The following EFHB variants were observed in gnomAD, a reference collection of about 807,000 sequenced individuals.
EFHB encodes the protein EF-hand domain family member B, also known as EF-hand domain-containing family member B.
EFHB carries 91 observed loss-of-function variants against 87.2 expected under a neutral mutation model. The observed-to-expected ratio is 1.04, with a 90% CI of 0.88 to 1.24. EFHB has a LOEUF of 1.24. EFHB is among the 50% of genes most tolerant of loss of function. The pLI, the probability that EFHB is intolerant of heterozygous loss-of-function variation, is 0.00. For synonymous variants in EFHB, 325 were observed against 333.6 expected, an observed-to-expected ratio of 0.97 and a Z score of 0.28; for missense variants, 1,084 against 998.8, an observed-to-expected ratio of 1.09 and a Z score of -1.15.
At chr3:19,920,883 A>G (rs1403589781) in intron 1 of EFHB, among the ~76,000 whole-genome samples, 1 of 152,152 alleles carries the variant, frequency 6.6e-6, no homozygotes, top group African/African-American at 2.4e-5. Context: ...CTTCTCATAG[A>G]TCACAGGTTA....
chr3:19,915,836 G>A (rs1421400984), intron 4 of EFHB, among the ~76,000 whole-genome samples: 1 of 151,926 alleles, frequency 6.6e-6, no homozygotes, highest in African/African-American at 2.4e-5. Flanking sequence ...AGCCAGGTGT[G>A]GAAGCACGTG....
chr3:19,909,655 G>A (rs6802401), intron 5 of EFHB, among the ~76,000 whole-genome samples: 6,000 of 152,182 alleles, frequency 0.039, 373 homozygotes, highest in African/African-American at 0.13. Context: ...GCACAGCTCC[G>A]CTCATGGCTC....
intron 5 of EFHB, among the ~76,000 whole-genome samples, chr3:19,906,586 A>C (rs1349429159): frequency 6.6e-6 from 1 of 152,150 alleles, no homozygotes; most frequent in Non-Finnish European, 1.5e-5. Context: ...TATTCATTCC[A>C]TGCTCATTGA....
upstream of EFHB, among the ~76,000 whole-genome samples, chr3:19,938,251 A>G (rs1696068142): frequency 6.6e-6 from 1 of 152,220 alleles, no homozygotes; most frequent in Admixed American, 6.5e-5. Context: ...CCGTATCTCA[A>G]TAGGGATGTG....
intron 5 of EFHB, among the ~76,000 whole-genome samples, chr3:19,909,119 G>A (rs1371145103): frequency 1.4e-5 from 2 of 145,732 alleles, no homozygotes; most frequent in African/African-American, 2.6e-5. Flanking sequence ...GCAACTCATA[G>A]TACTTGATTT....
chr3:19,889,520 C>G (rs1694229064), intron 9 of EFHB, among the ~76,000 whole-genome samples: 1 of 152,160 alleles, frequency 6.6e-6, no homozygotes, highest in South Asian at 2.1e-4. Context: ...AGTATTTAAG[C>G]TCTTACTGCC....
chr3:19,918,491 G>T, intron 3 of EFHB, 79 bp from the exon 4 acceptor site: 1 of 1,305,126 alleles, frequency 7.7e-7, no homozygotes, highest in Non-Finnish European at 1.0e-6. Context: ...TCAATAGCTG[G>T]GGAGAGGAGA....
At chr3:19,914,914 A>C (rs1364039828) in intron 5 of EFHB, among the ~76,000 whole-genome samples, 1 of 151,896 alleles carries the variant, frequency 6.6e-6, no homozygotes, top group African/African-American at 2.4e-5. Flanking sequence ...ACATAGGAAG[A>C]CCTCATATCT....
In EFHB at chr3:19,888,503, A is replaced by C. The variant is rs1694186830; in HGVS notation, c.1874T>G (p.Phe625Cys). ...AAGCATTTTGTCTTTCCAGTTAAGAAAATTTGCGAATTCCAGATAGTTAAT... is the reference window on the plus strand; with the variant it reads ...AAGCATTTTGTCTTTCCAGTTAAGACAATTTGCGAATTCCAGATAGTTAAT... Reference protein sequence around the residue: ...GFINYLEFANFLNWKDKMLLK... With the variant: ...GFINYLEFANCLNWKDKMLLK... The change falls in exon 10 of 13, where the codon TTT becomes TGT. Residue 625 changes from phenylalanine to cysteine, a missense_variant. Phe to Cys is a radical substitution (Grantham distance 205). Transcript: ENST00000295824. 1 of 1,575,620 alleles carries C rather than the reference A, an allele frequency of 6.3e-7. No individual in the cohort carries two copies. Among genetic ancestry groups the C allele is most frequent in the Non-Finnish European group, 8.6e-7 (1 of 1,158,586 alleles).
Position 19,896,714 on chromosome 3 carries a change from CAA to C in EFHB, c.1696_1697del (p.Leu566AlafsTer8). The C allele has an allele frequency of 6.2e-7, 1 of 1,614,018 alleles. No individual in the cohort carries two copies. Among genetic ancestry groups the C allele is most frequent in the Non-Finnish European group, 8.5e-7 (1 of 1,179,888 alleles). On this transcript the variant is annotated frameshift_variant, in exon 9 of 13. Coordinates refer to ENST00000295824, the MANE Select transcript of EFHB (RefSeq NM_144715.4). LOFTEE classifies it high-confidence loss of function. ...KKVNYQKFDT[L>X]LAAFRHYDKK... ...TGTCATAGTGCCTGAAGGCTGCCAG[CAA>C]AGTGTCAAACTTTTGGTAATTAACT...
intron 9 of EFHB, among the ~76,000 whole-genome samples, chr3:19,891,896 A>C (rs1362762579): frequency 6.6e-6 from 1 of 152,158 alleles, no homozygotes; most frequent in Non-Finnish European, 1.5e-5. Context: ...CCACCACTAC[A>C]TGCCAAACTT....
At chr3:19,883,249 C>T (rs1197334323) in intron 11 of EFHB, among the ~76,000 whole-genome samples, 1 of 152,196 alleles carries the variant, frequency 6.6e-6, no homozygotes, top group Non-Finnish European at 1.5e-5. Flanking sequence ...GATCCTCCCA[C>T]CTTGGCCTCC....
intron 11 of EFHB, 159 bp downstream of exon 11, chr3:19,884,244 T>C: frequency 1.6e-6 from 1 of 637,582 alleles, no homozygotes; most frequent in Non-Finnish European, 2.7e-6. Context: ...TCAACATTTA[T>C]ATGTGGGCCT....
At chr3:19,880,488 A>G (rs1233018027) in intron 12 of EFHB, among the ~76,000 whole-genome samples, 1 of 151,998 alleles carries the variant, frequency 6.6e-6, no homozygotes, top group Admixed American at 6.6e-5. Context: ...CTGACCTCAA[A>G]TGATCCACCC....
chr3:19,879,511 G>C lies in EFHB; in HGVS notation c.*120C>G, dbSNP rs2071619393. 1 of 1,045,510 alleles carries C rather than the reference G, an allele frequency of 9.6e-7. No homozygotes were observed. Among genetic ancestry groups the C allele is most frequent in the South Asian group, 2.2e-5 (1 of 45,836 alleles). The allele number at this position is 1,045,510 out of a possible 1,614,324, so 64.8% of individuals were successfully genotyped here. On this transcript the variant is annotated 3_prime_UTR_variant, in exon 13 of 13. Coordinates refer to ENST00000295824, the MANE Select transcript of EFHB (RefSeq NM_144715.4). ...ATCTAATTTATTAGCAACACATACA[G>C]GCATATGAGTCTTACCACTGTGAAC...
chr3:19,923,379 C>A (rs1427322436), intron 1 of EFHB, among the ~76,000 whole-genome samples: 1 of 152,024 alleles, frequency 6.6e-6, no homozygotes, highest in Non-Finnish European at 1.5e-5. Context: ...GTTTTTGAGA[C>A]AGGGTCTGAT....
At chr3:19,884,110 A>G (rs945138752) in intron 11 of EFHB, among the ~76,000 whole-genome samples, 7 of 152,232 alleles carry the variant, frequency 4.6e-5, no homozygotes, top group African/African-American at 1.7e-4. Context: ...GTCTAATATT[A>G]ATACTTGGTG....
At chr3:19,943,005 C>T (rs1559481434) in intron 1 of EFHB, 1 of 304,744 alleles carries the variant, frequency 3.3e-6, no homozygotes. Flanking sequence ...TCTACTTGGA[C>T]CTTGGGCCTG....
At chr3:19,892,375 A>T (rs996154515) in intron 9 of EFHB, among the ~76,000 whole-genome samples, 1 of 152,190 alleles carries the variant, frequency 6.6e-6, no homozygotes, top group Non-Finnish European at 1.5e-5. Flanking sequence ...TGGTCACTCA[A>T]TGCAGCTGTC....
Sources: allele counts gnomAD v4.1 joint callset (sites outside exome capture counted in the v4.1 genomes callset), GRCh38; gene constraint gnomAD v4.1.1; transcripts MANE v1.5; gene names NCBI Gene and HGNC (gene_info 2026-07-23, HGNC 2026-07-21).